Variants in EPHA4 observed in about 807,000 individuals in gnomAD.
EPHA4 encodes the protein EPH receptor A4, also known as ephrin type-A receptor 4.
In EPHA4, 19 loss-of-function variants were observed where a neutral mutation model predicts 108.3. The observed-to-expected ratio is 0.18, with a 90% CI of 0.12 to 0.26. The LOEUF (loss-of-function observed/expected upper bound fraction) is 0.26, where lower values mean the gene tolerates loss of function less well. Ranked by LOEUF, EPHA4 falls within the 10% of genes least tolerant of loss-of-function variation. EPHA4 has a pLI of 1.00. For missense variants in EPHA4, 917 were observed against 1,254.0 expected, an observed-to-expected ratio of 0.73 and a Z score of 4.06; for synonymous variants, 449 against 455.5, an observed-to-expected ratio of 0.99 and a Z score of 0.18.
chr2:221,520,240 G>A (rs1184752044), intron 3 of EPHA4, among the ~76,000 whole-genome samples: 1 of 151,948 alleles, frequency 6.6e-6, no homozygotes, highest in Admixed American at 6.6e-5. Flanking sequence ...ACCAGACAGA[G>A]TACCAGTTGT....
At chr2:221,490,279 A>G (rs992753647) in intron 4 of EPHA4, among the ~76,000 whole-genome samples, 10 of 151,990 alleles carry the variant, frequency 6.6e-5, no homozygotes, top group African/African-American at 2.4e-4. Context: ...AAAGAAAAGA[A>G]AGAAAGAAAA....
rs547969964 is a variant in EPHA4 at position 221,537,836 on chromosome 2, A to G, written c.823+25895T>C. 3.9e-3 allele frequency among the ~76,000 whole-genome samples: 588 copies of G among 152,294 alleles called. 5 individuals carry two copies. The highest frequency in any genetic ancestry group is 0.017 in the Middle Eastern group (5 of 294). ...AAGAAGAAAGACAAAGATGACGATG[A>G]CGAAGAAGGAGGAGGAGGAGATTAT... On this transcript the variant is annotated intron_variant, in intron 3 of 17. Coordinates refer to ENST00000281821, the MANE Select transcript of EPHA4 (RefSeq NM_004438.5).
chr2:221,451,679 C>G (rs1379858449), intron 8 of EPHA4, among the ~76,000 whole-genome samples: 3 of 152,092 alleles, frequency 2.0e-5, no homozygotes, highest in African/African-American at 7.2e-5. Flanking sequence ...GAAATTATAT[C>G]TTGAGTGATG....
chr2:221,451,516 T>C (rs569176766), intron 8 of EPHA4, among the ~76,000 whole-genome samples: 1 of 152,314 alleles, frequency 6.6e-6, no homozygotes, highest in South Asian at 2.1e-4. Flanking sequence ...GTGGAAATGT[T>C]GATTTGCTGG....
chr2:221,484,723 G>A (rs952728101), intron 4 of EPHA4, among the ~76,000 whole-genome samples: 1 of 152,168 alleles, frequency 6.6e-6, no homozygotes, highest in African/African-American at 2.4e-5. Flanking sequence ...TTTTAAAGAC[G>A]AGGAAGCTGA....
chr2:221,466,174 C>T (rs1027405322), intron 5 of EPHA4, among the ~76,000 whole-genome samples: 2 of 152,196 alleles, frequency 1.3e-5, no homozygotes, highest in Admixed American at 6.5e-5. Context: ...TCGGCAGAAT[C>T]GCAAAACACT....
intron 3 of EPHA4, among the ~76,000 whole-genome samples, chr2:221,542,764 T>C (rs1229737115): frequency 6.6e-6 from 1 of 152,196 alleles, no homozygotes; most frequent in Non-Finnish European, 1.5e-5. Context: ...CTAAAATACA[T>C]AACCCTTTAT....
intron 2 of EPHA4, among the ~76,000 whole-genome samples, chr2:221,565,141 A>G (rs1368404551): frequency 6.6e-6 from 1 of 152,188 alleles, no homozygotes; most frequent in Non-Finnish European, 1.5e-5. Flanking sequence ...TAGAAAACAG[A>G]CATGCTTTGC....
intron 5 of EPHA4, among the ~76,000 whole-genome samples, chr2:221,478,053 G>C (rs924862526): frequency 3.9e-5 from 6 of 152,000 alleles, no homozygotes; most frequent in African/African-American, 1.4e-4. Context: ...GCAATTTGGG[G>C]TGAGGAGGGA....
chr2:221,428,454 T>TGGAAGAG (rs1689975998), intron 15 of EPHA4, among the ~76,000 whole-genome samples: 1 of 152,220 alleles, frequency 6.6e-6, no homozygotes, highest in Non-Finnish European at 1.5e-5. Flanking sequence ...GTGTATCTAA[T>TGGAAGAG]ACCTCAACTT....
At chr2:221,559,629 A>G (rs1694399356) in intron 3 of EPHA4, among the ~76,000 whole-genome samples, 1 of 152,240 alleles carries the variant, frequency 6.6e-6, no homozygotes, top group Admixed American at 6.5e-5. Context: ...CTATTTCTAA[A>G]GTAATGAAAA....
chr2:221,470,405 TG>T (rs959033581), intron 5 of EPHA4, among the ~76,000 whole-genome samples: 1 of 151,786 alleles, frequency 6.6e-6, no homozygotes, highest in African/African-American at 2.4e-5. Context: ...AGACTCCTCA[TG>T]TTTCTTATTG....
intron 2 of EPHA4, 98 bp downstream of exon 2, chr2:221,568,620 C>CTGTGGTGAGGGG: frequency 1.0e-6 from 1 of 954,402 alleles, no homozygotes; most frequent in African/African-American, 1.6e-5. Flanking sequence ...ATCTGACCCC[C>CTGTGGTGAGGGG]TCACCACAAT....
intron 8 of EPHA4, among the ~76,000 whole-genome samples, chr2:221,453,114 A>G (rs1690836356): frequency 6.6e-6 from 1 of 152,206 alleles, no homozygotes; most frequent in Non-Finnish European, 1.5e-5. Flanking sequence ...CTGGACTACA[A>G]CTAGAGAATG....
rs946148336 is a variant in EPHA4, at chr2:221,522,765, T to C, written c.824-21593A>G. Among the ~76,000 whole-genome samples the C allele has an allele frequency of 1.4e-4, 12 of 87,800 alleles. No individual in the cohort carries two copies. The South Asian group carries it at 2.1e-3, about 16-fold the overall frequency. The allele number at this position is 87,800 out of a possible 152,430, so 57.6% of individuals were successfully genotyped here. Reference sequence around the variant, plus strand: ...ATTATTATTATTATTATTATTATTATTATTATTATTTTTTTGAGACGGAGT... The same window carrying C: ...ATTATTATTATTATTATTATTATTACTATTATTATTTTTTTGAGACGGAGT... On this transcript the variant is annotated intron_variant, in intron 3 of 17. Transcript: ENST00000281821.
intron 8 of EPHA4, among the ~76,000 whole-genome samples, chr2:221,447,603 C>A (rs1470597881): frequency 6.6e-6 from 1 of 152,092 alleles, no homozygotes; most frequent in African/African-American, 2.4e-5. Context: ...GGGGATAATT[C>A]CCTGGCAAAT....
At chr2:221,538,211 T>A (rs772953125) in intron 3 of EPHA4, among the ~76,000 whole-genome samples, 10 of 152,234 alleles carry the variant, frequency 6.6e-5, no homozygotes, top group Non-Finnish European at 8.8e-5. Context: ...TTAGGGATAC[T>A]GCTCTACCTG....
intron 3 of EPHA4, among the ~76,000 whole-genome samples, chr2:221,555,162 A>G (rs1694269257): frequency 2.0e-5 from 3 of 152,180 alleles, no homozygotes. Flanking sequence ...ACAACCAGCC[A>G]CACTGGGGGC....
chr2:221,538,533 C>T (rs1344220173), intron 3 of EPHA4, among the ~76,000 whole-genome samples: 2 of 151,904 alleles, frequency 1.3e-5, no homozygotes, highest in African/African-American at 4.8e-5. Flanking sequence ...TTTTTTTCTC[C>T]CCCAAAAGAA....
Sources: allele counts gnomAD v4.1 joint callset (sites outside exome capture counted in the v4.1 genomes callset), GRCh38; gene constraint gnomAD v4.1.1; transcripts MANE v1.5; gene names NCBI Gene and HGNC (gene_info 2026-07-23, HGNC 2026-07-21).